KCNMB2: variants seen among roughly 807,000 people sequenced by gnomAD.
KCNMB2 encodes calcium-activated potassium channel subunit beta-2.
A neutral mutation model predicts 24.5 loss-of-function variants in KCNMB2; 9 were observed. That is an observed-to-expected ratio of 0.37 (90% CI 0.22 to 0.64). The LOEUF (loss-of-function observed/expected upper bound fraction) is 0.64. Among genes scored for constraint, KCNMB2 ranks in the 30% least tolerant of loss-of-function variants. KCNMB2 has a pLI of 0.63. For missense variants in KCNMB2, 226 were observed against 284.3 expected, an observed-to-expected ratio of 0.79 and a Z score of 1.47; for synonymous variants, 109 against 104.4, an observed-to-expected ratio of 1.04 and a Z score of -0.27.
chr3:178,551,593 C>T (rs1033594815), intron 1 of KCNMB2, among the ~76,000 whole-genome samples: 5 of 152,176 alleles, frequency 3.3e-5, no homozygotes, highest in Non-Finnish European at 7.3e-5. Flanking sequence ...CTAACAAGTC[C>T]TTAAAAATAT....
At chr3:178,644,759 T>C (rs1403497767) in intron 1 of KCNMB2, among the ~76,000 whole-genome samples, 1 of 152,172 alleles carries the variant, frequency 6.6e-6, no homozygotes, top group East Asian at 1.9e-4. Flanking sequence ...ACAGAAGAAA[T>C]AGCGAACTTG....
chr3:178,758,187 G>A (rs201470946), intron 1 of KCNMB2, among the ~76,000 whole-genome samples: 6,676 of 9,846 alleles, frequency 0.68, 1,837 homozygotes, highest in Middle Eastern at 0.8. Context: ...TATATCCAAG[G>A]GGATATATAT....
chr3:178,612,040 T>C (rs1718501351), intron 1 of KCNMB2, among the ~76,000 whole-genome samples: 1 of 152,238 alleles, frequency 6.6e-6, no homozygotes, highest in Non-Finnish European at 1.5e-5. Flanking sequence ...TTGTTTCATT[T>C]TCACGTATTT....
intron 1 of KCNMB2, among the ~76,000 whole-genome samples, chr3:178,637,285 C>T (rs1300609787): frequency 6.6e-6 from 1 of 152,182 alleles, no homozygotes; most frequent in Non-Finnish European, 1.5e-5. Context: ...GCCACACTGT[C>T]TTACACAACG....
At chr3:178,748,688 G>T (rs567710438) in intron 1 of KCNMB2, among the ~76,000 whole-genome samples, 55 of 152,190 alleles carry the variant, frequency 3.6e-4, no homozygotes, top group African/African-American at 1.3e-3. Flanking sequence ...AACAATTTTG[G>T]ATTAATGTTC....
intron 1 of KCNMB2, among the ~76,000 whole-genome samples, chr3:178,633,557 C>T (rs921024994): frequency 1.3e-5 from 2 of 152,186 alleles, no homozygotes; most frequent in African/African-American, 2.4e-5. Flanking sequence ...GGATGTGGGG[C>T]ACCAAGGCCT....
intron 1 of KCNMB2, among the ~76,000 whole-genome samples, chr3:178,710,445 G>A (rs114737334): frequency 0.013 from 1,999 of 152,258 alleles, 38 homozygotes; most frequent in African/African-American, 0.046. Flanking sequence ...ACAATTCTCA[G>A]GTGCCTTATT....
intron 1 of KCNMB2, among the ~76,000 whole-genome samples, chr3:178,768,505 GA>G (rs1227814607): frequency 4.6e-5 from 7 of 152,140 alleles, no homozygotes; most frequent in African/African-American, 7.2e-5. Context: ...AATGGTTTGA[GA>G]AAAAAATATA....
At chr3:178,742,267 G>C (rs1723519432) in intron 1 of KCNMB2, among the ~76,000 whole-genome samples, 1 of 152,134 alleles carries the variant, frequency 6.6e-6, no homozygotes, top group Non-Finnish European at 1.5e-5. Flanking sequence ...TAATGGAATA[G>C]CACATTCTTT....
In KCNMB2 at chr3:178,757,423, TGTATATATATCC is replaced by T. The variant is rs1724134631; in HGVS notation, c.-67-49919_-67-49908del. Among the ~76,000 whole-genome samples, 12 of 64,284 alleles carry T rather than the reference TGTATATATATCC, an allele frequency of 1.9e-4. 2 individuals carry two copies. Among genetic ancestry groups the T allele is most frequent in the African/African-American group, 7.3e-4 (10 of 13,626 alleles). 42.2% of individuals were successfully genotyped at this position (64,284 alleles called of 152,430 possible). On this transcript the variant is annotated intron_variant, in intron 1 of 4. Coordinates refer to ENST00000452583, the MANE Select transcript of KCNMB2 (RefSeq NM_181361.3). ...ATATATCCAAGAGGATATATATATA[TGTATATATATCC>T]AAGAGGATATATATATATGTATATA...
chr3:178,834,790 T>G (rs1280011957), intron 4 of KCNMB2, among the ~76,000 whole-genome samples: 2 of 152,132 alleles, frequency 1.3e-5, no homozygotes, highest in African/African-American at 4.8e-5. Context: ...ACTTTGTGAC[T>G]GACAAAGTTT....
intron 1 of KCNMB2, among the ~76,000 whole-genome samples, chr3:178,577,954 T>C (rs541715458): frequency 6.6e-6 from 1 of 152,282 alleles, no homozygotes; most frequent in South Asian, 2.1e-4. Context: ...AAAACATTCT[T>C]CAGGATATTA....
chr3:178,741,987 T>C (rs1448523946), intron 1 of KCNMB2, among the ~76,000 whole-genome samples: 1 of 152,224 alleles, frequency 6.6e-6, no homozygotes, highest in East Asian at 1.9e-4. Context: ...TTTAACAAGT[T>C]CTTCTTTCTT....
chr3:178,704,129 A>T (rs140696659), intron 1 of KCNMB2, among the ~76,000 whole-genome samples: 2 of 152,278 alleles, frequency 1.3e-5, no homozygotes, highest in Admixed American at 1.3e-4. Flanking sequence ...TAAAATCTCC[A>T]TCTTCCAGGG....
intron 1 of KCNMB2, among the ~76,000 whole-genome samples, chr3:178,659,291 C>T (rs139504162): frequency 4.7e-4 from 72 of 152,300 alleles, no homozygotes; most frequent in Non-Finnish European, 1.9e-4. Context: ...TCCAGCCAGA[C>T]AAAACATTTG....
At chr3:178,538,216 T>C (rs187135162) in intron 1 of KCNMB2, among the ~76,000 whole-genome samples, 54 of 152,282 alleles carry the variant, frequency 3.5e-4, no homozygotes, top group African/African-American at 9.9e-4. Context: ...CCAGCCGAAC[T>C]CTCTTGGCTG....
intron 1 of KCNMB2, among the ~76,000 whole-genome samples, chr3:178,739,527 C>T (rs1451426630): frequency 6.6e-6 from 1 of 152,082 alleles, no homozygotes; most frequent in Non-Finnish European, 1.5e-5. Context: ...AATTACCATG[C>T]TTGGTATAGG....
At chr3:178,817,612 A>G (rs1577211247) in intron 2 of KCNMB2, among the ~76,000 whole-genome samples, 1 of 152,234 alleles carries the variant, frequency 6.6e-6, no homozygotes, top group Non-Finnish European at 1.5e-5. Context: ...CCTTCATAAG[A>G]TCTAACAGAA....
intron 4 of KCNMB2, among the ~76,000 whole-genome samples, chr3:178,842,153 G>A (rs1395443493): frequency 2.0e-5 from 3 of 152,230 alleles, no homozygotes; most frequent in Middle Eastern, 3.4e-3. Flanking sequence ...CAAATAAAAT[G>A]AAGCCAAGAT....
Sources: gnomAD v4.1 joint callset for allele counts (sites outside exome capture counted in the v4.1 genomes callset) on GRCh38, gnomAD v4.1.1 for gene constraint, MANE v1.5 for transcripts, NCBI Gene and HGNC (gene_info 2026-07-23, HGNC 2026-07-21) for gene names.